KLHL22: variants seen among roughly 807,000 people sequenced by gnomAD.
KLHL22 encodes kelch like family member 22.
Under a neutral mutation model 60.7 loss-of-function variants are expected in KLHL22, and 18 were observed. The ratio of observed to expected loss-of-function variants is 0.30; its 90% CI spans 0.20 to 0.44. The LOEUF is 0.44. Among genes scored for constraint, KLHL22 ranks in the 20% least tolerant of loss-of-function variants. The pLI is 1.00. For synonymous variants in KLHL22, 355 were observed against 354.5 expected, an observed-to-expected ratio of 1.00 and a Z score of -0.01; for missense variants, 596 against 852.3, an observed-to-expected ratio of 0.70 and a Z score of 3.74.
At chr22:20,483,284 T>A in intron 2 of KLHL22, 1 of 703,198 alleles carries the variant, frequency 1.4e-6, no homozygotes, top group Non-Finnish European at 2.6e-6. Context: ...CTCTCCTCAA[T>A]CTGCTGAGAC....
chr22:20,469,097 G>A (rs761585343), intron 3 of KLHL22, among the ~76,000 whole-genome samples: 2 of 152,138 alleles, frequency 1.3e-5, no homozygotes, highest in South Asian at 2.1e-4. Flanking sequence ...GCTGACTGGT[G>A]AGAGAGGGAA....
chr22:20,486,037 G>A (rs560626057), intron 2 of KLHL22, among the ~76,000 whole-genome samples: 5 of 146,656 alleles, frequency 3.4e-5, no homozygotes, highest in South Asian at 2.2e-4. Flanking sequence ...GCGTGGTGGC[G>A]CACACCTGTA....
At chr22:20,461,225 G>C (rs953113767) in intron 4 of KLHL22, among the ~76,000 whole-genome samples, 3 of 152,172 alleles carry the variant, frequency 2.0e-5, no homozygotes, top group African/African-American at 7.2e-5. Context: ...GAACCCTAGA[G>C]TTGGTACAAA....
chr22:20,456,146 T>C (rs1469306122), intron 5 of KLHL22: 2 of 152,148 alleles, frequency 1.3e-5, no homozygotes, highest in African/African-American at 4.8e-5. Context: ...CCCCAAAAAG[T>C]CCCTCTAGAT....
rs1336572880 is a variant in KLHL22, at chr22:20,465,107, C to T, written c.863G>A (p.Ser288Asn). The change falls in exon 4 of 7, where the codon AGC (serine) becomes AAC (asparagine). Residue 288 changes from serine (S) to asparagine (N), a missense_variant. Ser to Asn is a conservative substitution (Grantham distance 46, BLOSUM62 1). Transcript: ENST00000328879. The surrounding 1 kb of genome is among the most constrained non-coding windows in gnomAD (Gnocchi z 4.9). ...GTCCGACCGCAGCTCCGTTTGCGGGCTCTGCAGGCTGGGCTGTAGGCTCTC... is the reference window on the plus strand; with the variant it reads ...GTCCGACCGCAGCTCCGTTTGCGGGTTCTGCAGGCTGGGCTGTAGGCTCTC... ...RNESLQPSLQ[S>N]PQTELRSDFQ... The T allele has an allele frequency of 1.2e-6, 2 of 1,613,864 alleles. No homozygotes were observed. The highest frequency in any genetic ancestry group is 1.7e-6 in the Non-Finnish European group (2 of 1,179,998).
At position 20,471,500 on chromosome 22, in the gene KLHL22, C is replaced by T; in HGVS notation, c.243G>A (p.Gly81=). 3 of 1,613,718 alleles carry T rather than the reference C, an allele frequency of 1.9e-6. No homozygotes were observed. The highest frequency in any genetic ancestry group is 2.5e-6 in the Non-Finnish European group (3 of 1,179,804). ...CTTCCTGTTCCATCTCCTTCAATCC[C>T]CCAGCAAACATTCCTCTGCAAAGTG... is the stretch of plus-strand genomic sequence containing the variant. ...SCDYFRGMFA[G]GLKEMEQEEV... Residue 81 remains glycine (G), a synonymous_variant, in exon 3 of 7, where the codon GGG becomes GGA. Transcript: ENST00000328879.
chr22:20,442,457 A>T lies in KLHL22; in HGVS notation c.1540-19T>A. 6.4e-7 allele frequency: 1 copy of T among 1,565,186 alleles called. No individual in the cohort carries two copies. Among genetic ancestry groups the T allele is most frequent in the Non-Finnish European group, 8.7e-7 (1 of 1,153,716 alleles). ...AGGCCACCTGCAAAGCCAAGGCTAG[A>T]ATAAAGCCCAGCACCCACTGGGACG... On this transcript the variant is annotated intron_variant, in intron 6 of 6. Transcript: ENST00000328879.
intron 5 of KLHL22, among the ~76,000 whole-genome samples, chr22:20,447,776 C>T (rs570999904): frequency 3.7e-4 from 57 of 152,234 alleles, no homozygotes; most frequent in African/African-American, 1.3e-3. Context: ...CTCCTGACCT[C>T]GTGACCCACC....
intron 2 of KLHL22, among the ~76,000 whole-genome samples, chr22:20,474,648 T>C (rs1223357183): frequency 6.6e-6 from 1 of 152,206 alleles, no homozygotes; most frequent in African/African-American, 2.4e-5. Flanking sequence ...CGCCTCAGCC[T>C]CCCACAGTGC....
intron 6 of KLHL22, among the ~76,000 whole-genome samples, chr22:20,444,246 ATTC>A (rs750234774): frequency 6.6e-6 from 1 of 152,234 alleles, no homozygotes; most frequent in Admixed American, 6.5e-5. Context: ...CAGGGACTGA[ATTC>A]TTCTAACCAG....
chr22:20,467,567 C>A (rs1273821322), intron 3 of KLHL22, among the ~76,000 whole-genome samples: 4 of 152,208 alleles, frequency 2.6e-5, no homozygotes, highest in African/African-American at 9.7e-5. Context: ...TGCAATAAAT[C>A]AGTTTCTCTA....
At chr22:20,483,273 G>A in intron 2 of KLHL22, 1 of 700,554 alleles carries the variant, frequency 1.4e-6, no homozygotes, top group Non-Finnish European at 2.6e-6. Flanking sequence ...CCACTGTGGT[G>A]CTCTCCTCAA....
chr22:20,494,153 C>A (rs1219582546), intron 1 of KLHL22, among the ~76,000 whole-genome samples: 1 of 150,856 alleles, frequency 6.6e-6, no homozygotes, highest in Non-Finnish European at 1.5e-5. Flanking sequence ...TTGGGAGGTC[C>A]AGGTAGGTGG....
intron 2 of KLHL22, chr22:20,488,723 AAG>A (rs1053355703): frequency 7.2e-6 from 4 of 553,328 alleles, no homozygotes; most frequent in African/African-American, 3.8e-5. Context: ...GAGAAAAGAA[AAG>A]AGAGAGAAAA....
intron 4 of KLHL22, 63 bp downstream of exon 4, chr22:20,464,795 C>T (rs1569132176): frequency 1.9e-6 from 2 of 1,039,100 alleles, no homozygotes; most frequent in East Asian, 4.9e-5. Flanking sequence ...GCTCTCTCAG[C>T]CCATGACTTC....
intron 5 of KLHL22, 112 bp downstream of exon 5, chr22:20,457,696 G>A (rs2146198379): frequency 1.3e-6 from 1 of 776,452 alleles, no homozygotes; most frequent in Non-Finnish European, 2.1e-6. Context: ...TCTGCTCACT[G>A]AGCCTGTTTC....
intron 4 of KLHL22, among the ~76,000 whole-genome samples, chr22:20,461,735 G>A (rs2053158894): frequency 6.6e-6 from 1 of 152,122 alleles, no homozygotes; most frequent in Non-Finnish European, 1.5e-5. Flanking sequence ...GGCTGAGGCA[G>A]GCGGATCACC....
chr22:20,445,001 G>A (rs1035793944), intron 6 of KLHL22, among the ~76,000 whole-genome samples: 2 of 152,006 alleles, frequency 1.3e-5, no homozygotes, highest in Non-Finnish European at 2.9e-5. Flanking sequence ...GCCCAGGCTG[G>A]TATCAGTTCC....
chr22:20,450,821 T>A (rs2052964835), intron 5 of KLHL22: 36 of 1,522,252 alleles, frequency 2.4e-5, no homozygotes, highest in Non-Finnish European at 3.1e-5. Context: ...ATCACAGATG[T>A]AATAGATGCT....
Sources: allele counts gnomAD v4.1 joint callset (sites outside exome capture counted in the v4.1 genomes callset), GRCh38; gene constraint gnomAD v4.1.1; non-coding constraint Gnocchi (gnomAD v3.1); transcripts MANE v1.5; gene names NCBI Gene and HGNC (gene_info 2026-07-23, HGNC 2026-07-21).